Variants in CYREN observed in about 807,000 individuals in gnomAD.
CYREN encodes cell cycle regulator of non-homologous end joining.
A neutral mutation model predicts 9.7 loss-of-function variants in CYREN; 7 were observed. That is an observed-to-expected ratio of 0.72 (90% CI 0.41 to 1.36). The LOEUF (loss-of-function observed/expected upper bound fraction) is 1.36. Among genes scored for constraint, CYREN ranks in the 40% most tolerant of loss-of-function variants. The probability of loss-of-function intolerance (pLI) is 0.01; values close to 1 mark genes in which losing one functional copy is unlikely to be tolerated. For synonymous variants in CYREN, 76 were observed against 77.9 expected, an observed-to-expected ratio of 0.98 and a Z score of 0.13; for missense variants, 215 against 198.1, an observed-to-expected ratio of 1.09 and a Z score of -0.51.
At chr7:135,140,543 G>A (rs1287781595) in intron 2 of CYREN, among the ~76,000 whole-genome samples, 3 of 151,842 alleles carry the variant, frequency 2.0e-5, no homozygotes, top group African/African-American at 4.8e-5. Flanking sequence ...TTATTTGGAC[G>A]CCTTTTATTT....
At position 135,169,036 on chromosome 7, in the gene CYREN, C is replaced by T. The variant is rs1830450592; in HGVS notation, c.-114G>A. The T allele has an allele frequency of 5.0e-6, 5 of 1,009,872 alleles. No individual in the cohort carries two copies. In the South Asian group the frequency reaches 6.9e-5, roughly 14 times the overall value. 62.6% of individuals were successfully genotyped at this position (1,009,872 alleles called of 1,614,324 possible). A position where few individuals can be genotyped will look rare whatever the true frequency, so the allele number is the denominator to read the frequency against. Reference sequence around the variant, plus strand: ...ACCCGGAATTACAGGTCCATTTGTCCTCAGTGGGAGTTGATCTTTGATTCC... The same window carrying T: ...ACCCGGAATTACAGGTCCATTTGTCTTCAGTGGGAGTTGATCTTTGATTCC... On this transcript the variant is annotated 5_prime_UTR_variant, in exon 2 of 4. Coordinates refer to ENST00000393114, the MANE Select transcript of CYREN (RefSeq NM_024033.4).
At chr7:135,112,746 C>A (rs779044172) in intron 2 of CYREN, among the ~76,000 whole-genome samples, 3 of 152,108 alleles carry the variant, frequency 2.0e-5, no homozygotes, top group African/African-American at 4.8e-5. Flanking sequence ...AAAAATAGTG[C>A]CAGATACATA....
chr7:135,132,638 G>A (rs1021551551), intron 2 of CYREN, among the ~76,000 whole-genome samples: 5 of 152,244 alleles, frequency 3.3e-5, no homozygotes, highest in African/African-American at 1.2e-4. Context: ...TGAATCACGG[G>A]AACAGTTTCC....
At chr7:135,115,604 C>T in intron 2 of CYREN, 1 of 1,544,038 alleles carries the variant, frequency 6.5e-7, no homozygotes, top group Non-Finnish European at 8.8e-7. Flanking sequence ...CTTCCAAATC[C>T]AACATCAGTA....
chr7:135,136,833 G>A (rs1211225598), intron 2 of CYREN, among the ~76,000 whole-genome samples: 1 of 152,038 alleles, frequency 6.6e-6, no homozygotes, highest in African/African-American at 2.4e-5. Context: ...CCAGTTTCCT[G>A]GAAGATTTAG....
chr7:135,164,535 CTT>C (rs1353502117), downstream of CYREN: 1 of 1,614,198 alleles, frequency 6.2e-7, no homozygotes, highest in Non-Finnish European at 8.5e-7. Context: ...GTTTTACGCT[CTT>C]CTCTGGGAGG....
intron 2 of CYREN, among the ~76,000 whole-genome samples, chr7:135,146,698 A>G (rs1462894545): frequency 6.6e-6 from 1 of 152,196 alleles, no homozygotes; most frequent in Non-Finnish European, 1.5e-5. Flanking sequence ...TATGGTTGGG[A>G]GTCAGTAGAT....
At chr7:135,121,098 G>A (rs933760560) in intron 2 of CYREN, among the ~76,000 whole-genome samples, 2 of 152,236 alleles carry the variant, frequency 1.3e-5, no homozygotes, top group Non-Finnish European at 2.9e-5. Flanking sequence ...CCAGCTACTC[G>A]GGAGGCTGAG....
chr7:135,141,187 A>C (rs1321433803), intron 2 of CYREN, among the ~76,000 whole-genome samples: 3 of 151,912 alleles, frequency 2.0e-5, no homozygotes, highest in African/African-American at 4.8e-5. Context: ...TGTATGGTCC[A>C]GGGCCTTTTC....
intron 2 of CYREN, among the ~76,000 whole-genome samples, chr7:135,150,234 C>G (rs1214338297): frequency 6.6e-6 from 1 of 152,138 alleles, no homozygotes; most frequent in East Asian, 1.9e-4. Flanking sequence ...AATGAAGAAC[C>G]CTTTCAGGAC....
At chr7:135,114,084 T>G (rs1825992982) in intron 2 of CYREN, among the ~76,000 whole-genome samples, 1 of 149,328 alleles carries the variant, frequency 6.7e-6, no homozygotes, top group African/African-American at 2.5e-5. Context: ...ATACCTCATT[T>G]TGTTAATCCA....
At chr7:135,108,739 C>T (rs1361725250) in intron 2 of CYREN, among the ~76,000 whole-genome samples, 1 of 152,176 alleles carries the variant, frequency 6.6e-6, no homozygotes, top group Non-Finnish European at 1.5e-5. Flanking sequence ...GACTGATGGC[C>T]TCTCTAGCAA....
rs1407562056 is a variant in CYREN, at chr7:135,166,798, C to T, written c.287G>A (p.Cys96Tyr). ...GADNPEHSPP[C>Y]SVSPHTSSGS... ...AGAACTTGTGTGAGGCGACACGGAG[C>T]AGGGAGGGGAGTGCTCTGGGTTATC... is the stretch of plus-strand genomic sequence containing the variant. Residue 96 changes from cysteine to tyrosine, a missense_variant, in exon 4 of 4, where the codon TGC (cysteine) becomes TAC (tyrosine). Transcript: ENST00000393114. 3 of 1,614,194 alleles carry T rather than the reference C, an allele frequency of 1.9e-6. No homozygotes were observed. Among genetic ancestry groups the T allele is most frequent in the Middle Eastern group, 1.6e-4 (1 of 6,062 alleles).
chr7:135,127,193 C>G (rs1465235406), intron 2 of CYREN, among the ~76,000 whole-genome samples: 5 of 151,670 alleles, frequency 3.3e-5, no homozygotes, highest in Non-Finnish European at 5.9e-5. Context: ...ACAACCCCAT[C>G]AAAAAGTGGG....
chr7:135,128,476 T>C, intron 2 of CYREN: 7 of 745,120 alleles, frequency 9.4e-6, no homozygotes, highest in Non-Finnish European at 1.5e-5. Flanking sequence ...AGAGGATGAA[T>C]TGCTGGCCCC....
intron 2 of CYREN, chr7:135,099,816 T>G (rs1823491790): frequency 6.6e-6 from 1 of 151,688 alleles, no homozygotes; most frequent in East Asian, 1.9e-4. Flanking sequence ...ACTACCCCAA[T>G]AGATGCTTTA....
intron 2 of CYREN, among the ~76,000 whole-genome samples, chr7:135,118,215 G>A (rs1162501247): frequency 1.3e-5 from 2 of 151,910 alleles, no homozygotes; most frequent in Non-Finnish European, 2.9e-5. Context: ...AACCAAAGAG[G>A]TCTTAGTTAA....
intron 2 of CYREN, among the ~76,000 whole-genome samples, chr7:135,127,362 C>T (rs1178655174): frequency 2.0e-5 from 3 of 151,716 alleles, no homozygotes; most frequent in African/African-American, 7.2e-5. Flanking sequence ...CGAGACCATC[C>T]TGGCCAACAT....
chr7:135,115,371 G>T, intron 2 of CYREN: 2 of 1,521,288 alleles, frequency 1.3e-6, no homozygotes, highest in South Asian at 2.4e-5. Flanking sequence ...TTTTGTGGTT[G>T]CTCCCCAGAT....
Sources: gnomAD v4.1 joint callset for allele counts (sites outside exome capture counted in the v4.1 genomes callset) on GRCh38, gnomAD v4.1.1 for gene constraint, MANE v1.5 for transcripts, NCBI Gene and HGNC (gene_info 2026-07-23, HGNC 2026-07-21) for gene names.